CDH12: variants seen among roughly 807,000 people sequenced by gnomAD.
CDH12 encodes cadherin-12.
Under a neutral mutation model 74.1 loss-of-function variants are expected in CDH12, and 41 were observed. That is an observed-to-expected ratio of 0.55 (90% CI 0.43 to 0.72). CDH12 has a LOEUF of 0.72. Among genes scored for constraint, CDH12 ranks in the 30% least tolerant of loss-of-function variants. The pLI is 0.00. For synonymous variants in CDH12, 399 were observed against 355.0 expected (o/e 1.12, Z -1.39); for missense variants, 945 against 977.2 (o/e 0.97, Z 0.44).
intron 3 of CDH12, among the ~76,000 whole-genome samples, chr5:22,300,396 C>A (rs186932400): frequency 6.6e-6 from 1 of 151,000 alleles, no homozygotes; most frequent in African/African-American, 2.5e-5. Context: ...CCCAGGAAAG[C>A]GGATGTTTCT....
At chr5:21,995,903 C>T (rs974671861) in intron 5 of CDH12, among the ~76,000 whole-genome samples, 2 of 151,844 alleles carry the variant, frequency 1.3e-5, no homozygotes, top group Non-Finnish European at 1.5e-5. Context: ...CTTTTGCTTC[C>T]GTGATCATGC....
intron 12 of CDH12, among the ~76,000 whole-genome samples, chr5:21,761,175 T>A (rs1021692987): frequency 6.6e-6 from 1 of 152,080 alleles, no homozygotes; most frequent in Non-Finnish European, 1.5e-5. Context: ...TTTTGTTATG[T>A]TTTTCTTCAT....
intron 3 of CDH12, among the ~76,000 whole-genome samples, chr5:22,390,073 G>A (rs1742174360): frequency 6.6e-6 from 1 of 151,870 alleles, no homozygotes; most frequent in Non-Finnish European, 1.5e-5. Context: ...TAGATTCACA[G>A]ATATTCTAGC....
At position 22,540,593 on chromosome 5, in the gene CDH12, G is replaced by A. The variant is rs183176291; in HGVS notation, c.-522-35229C>T. Among the ~76,000 whole-genome samples, 593 of 152,192 alleles carry A rather than the reference G, an allele frequency of 3.9e-3. 3 individuals carry two copies. Among genetic ancestry groups the A allele is most frequent in the Admixed American group, 5.2e-3 (80 of 15,276 alleles). ...AGACTATATTACTTTAGATGTGATT[G>A]TATACATTAAGAAGAAAATAATTCA... On this transcript the variant is annotated intron_variant, in intron 1 of 14. Transcript: ENST00000382254.
At chr5:22,188,336 G>A (rs374163793) in intron 4 of CDH12, among the ~76,000 whole-genome samples, 4,161 of 151,516 alleles carry the variant, frequency 0.027, 87 homozygotes, top group African/African-American at 0.057. Flanking sequence ...GACACAGCAC[G>A]AAAGCCCTTG....
intron 6 of CDH12, among the ~76,000 whole-genome samples, chr5:21,936,937 C>T (rs1317064408): frequency 3.3e-5 from 5 of 152,136 alleles, no homozygotes; most frequent in Non-Finnish European, 7.3e-5. Context: ...TAAGTTCAGC[C>T]ATGTGGAACT....
intron 5 of CDH12, among the ~76,000 whole-genome samples, chr5:21,995,983 A>G (rs1736265121): frequency 6.6e-6 from 1 of 151,682 alleles, no homozygotes; most frequent in African/African-American, 2.4e-5. Flanking sequence ...TCGGCATAAC[A>G]TTTGTTGGTT....
chr5:22,332,680 G>T (rs951502682), intron 3 of CDH12, among the ~76,000 whole-genome samples: 1 of 152,018 alleles, frequency 6.6e-6, no homozygotes, highest in Non-Finnish European at 1.5e-5. Flanking sequence ...CTTCGCAAAA[G>T]AAGACATTTA....
intron 3 of CDH12, among the ~76,000 whole-genome samples, chr5:22,318,630 C>T (rs1199337233): frequency 6.6e-6 from 1 of 152,154 alleles, no homozygotes; most frequent in Non-Finnish European, 1.5e-5. Flanking sequence ...TACCTGAAGC[C>T]ATTGCCTTCT....
chr5:21,875,764 C>A (rs1350868774), intron 6 of CDH12, among the ~76,000 whole-genome samples: 1 of 152,166 alleles, frequency 6.6e-6, no homozygotes, highest in East Asian at 1.9e-4. Context: ...TCCCCTGAGC[C>A]TAGTACTATG....
chr5:21,791,571 A>G (rs189219085), intron 10 of CDH12, among the ~76,000 whole-genome samples: 5 of 152,046 alleles, frequency 3.3e-5, no homozygotes, highest in Admixed American at 2.6e-4. Context: ...GACTCATCTC[A>G]TACTTATTTG....
At chr5:22,156,474 T>C (rs1317539100) in intron 4 of CDH12, among the ~76,000 whole-genome samples, 2 of 152,184 alleles carry the variant, frequency 1.3e-5, no homozygotes, top group Non-Finnish European at 2.9e-5. Context: ...GTCCTCATTT[T>C]AATACTTTAT....
intron 1 of CDH12, among the ~76,000 whole-genome samples, chr5:22,752,337 T>G (rs1561005124): frequency 6.6e-6 from 1 of 151,842 alleles, no homozygotes; most frequent in East Asian, 1.9e-4. Context: ...CTTCAATAAT[T>G]AGGCTTTCAA....
intron 3 of CDH12, among the ~76,000 whole-genome samples, chr5:22,375,302 A>T (rs1320650832): frequency 6.6e-6 from 1 of 152,156 alleles, no homozygotes; most frequent in African/African-American, 2.4e-5. Flanking sequence ...TTCAATATAT[A>T]TTGAAGACTT....
chr5:22,147,098 A>G (rs1747235867), intron 4 of CDH12, among the ~76,000 whole-genome samples: 1 of 152,170 alleles, frequency 6.6e-6, no homozygotes, highest in African/African-American at 2.4e-5. Context: ...AAATTTATCT[A>G]CTGTGATAAT....
At chr5:21,810,345 G>C (rs934220579) in intron 9 of CDH12, among the ~76,000 whole-genome samples, 7 of 152,202 alleles carry the variant, frequency 4.6e-5, no homozygotes, top group Admixed American at 3.3e-4. Context: ...GAAGAGGGCT[G>C]TATGGCAAAT....
At chr5:21,981,411 A>G (rs1356236990) in intron 5 of CDH12, among the ~76,000 whole-genome samples, 2 of 151,994 alleles carry the variant, frequency 1.3e-5, no homozygotes, top group African/African-American at 4.8e-5. Flanking sequence ...TTTTCTACCC[A>G]TTTGTCTATC....
At chr5:22,162,949 T>C (rs1410300364) in intron 4 of CDH12, among the ~76,000 whole-genome samples, 1 of 140,646 alleles carries the variant, frequency 7.1e-6, no homozygotes, top group Non-Finnish European at 1.5e-5. Flanking sequence ...CAGGCAGGAC[T>C]GCAGTGGCGC....
At chr5:21,858,342 C>G (rs900891426) in intron 6 of CDH12, among the ~76,000 whole-genome samples, 1 of 151,802 alleles carries the variant, frequency 6.6e-6, no homozygotes, top group Non-Finnish European at 1.5e-5. Context: ...TAATAAAACT[C>G]TGATAGACTT....
Sources: gnomAD v4.1 joint callset for allele counts (sites outside exome capture counted in the v4.1 genomes callset) on GRCh38, gnomAD v4.1.1 for gene constraint, MANE v1.5 for transcripts, NCBI Gene and HGNC (gene_info 2026-07-23, HGNC 2026-07-21) for gene names.